Variants in LEPROTL1 observed in about 807,000 individuals in gnomAD.
The protein encoded by LEPROTL1 is leptin receptor overlapping transcript-like 1.
Under a neutral mutation model 15.4 loss-of-function variants are expected in LEPROTL1, and 6 were observed. The ratio of observed to expected loss-of-function variants is 0.39; its 90% CI spans 0.21 to 0.77. The LOEUF (loss-of-function observed/expected upper bound fraction) is 0.77. LEPROTL1 is among the 30% of genes least tolerant of loss of function. LEPROTL1 has a pLI of 0.41. For synonymous variants in LEPROTL1, 56 were observed against 52.6 expected (o/e 1.06, Z -0.28); for missense variants, 128 against 158.1 (o/e 0.81, Z 1.02).
chr8:30,115,579 G>T (rs1475166224), intron 3 of LEPROTL1, among the ~76,000 whole-genome samples: 2 of 101,840 alleles, frequency 2.0e-5, no homozygotes, highest in African/African-American at 3.9e-5. Flanking sequence ...TAGAGACGGG[G>T]TTTCACCATG....
intron 3 of LEPROTL1, among the ~76,000 whole-genome samples, chr8:30,122,300 T>C (rs1802842287): frequency 6.6e-6 from 1 of 152,164 alleles, no homozygotes; most frequent in Non-Finnish European, 1.5e-5. Flanking sequence ...CTTCACTCTA[T>C]ATTCAAAAAT....
Position 30,107,048 on chromosome 8 carries a change from T to A in LEPROTL1, c.*1186T>A, listed in dbSNP as rs1201236286. 1.0e-6 allele frequency: 1 copy of A among 973,120 alleles called. No homozygotes were observed. The highest frequency in any genetic ancestry group is 1.8e-5 in the African/African-American group (1 of 56,958). The allele number at this position is 973,120 out of a possible 1,614,324, so 60.3% of individuals were successfully genotyped here. A position where few individuals can be genotyped will look rare whatever the true frequency, so the allele number is the denominator to read the frequency against. ...TTTAAGATTTAGACCATGGTAATAGTAGTTCTTATTCTCTAAGGTTATATC... is the reference window on the plus strand; with the variant it reads ...TTTAAGATTTAGACCATGGTAATAGAAGTTCTTATTCTCTAAGGTTATATC... On this transcript the variant is annotated 3_prime_UTR_variant, in exon 4 of 4. Coordinates refer to ENST00000321250, the MANE Select transcript of LEPROTL1 (RefSeq NM_015344.3).
At chr8:30,099,331 C>T (rs1357740787) in intron 1 of LEPROTL1, among the ~76,000 whole-genome samples, 4 of 151,954 alleles carry the variant, frequency 2.6e-5, no homozygotes, top group Non-Finnish European at 5.9e-5. Context: ...CAGTGGCTCA[C>T]GCCTATAATC....
chr8:30,102,897 A>T (rs558992659), intron 2 of LEPROTL1, among the ~76,000 whole-genome samples: 2 of 152,284 alleles, frequency 1.3e-5, no homozygotes, highest in East Asian at 3.9e-4. Flanking sequence ...GGGAGTACAC[A>T]TAGATAGTTT....
chr8:30,112,753 A>C (rs1005968043), downstream of LEPROTL1, among the ~76,000 whole-genome samples: 2 of 151,974 alleles, frequency 1.3e-5, no homozygotes, highest in African/African-American at 2.4e-5. Flanking sequence ...AATAGTATCT[A>C]CCTCATAAAG....
At chr8:30,116,753 G>A (rs1285091300) in intron 3 of LEPROTL1, among the ~76,000 whole-genome samples, 1 of 152,170 alleles carries the variant, frequency 6.6e-6, no homozygotes. Context: ...TGTTCTATAA[G>A]CTACTGTAGC....
At position 30,095,427 on chromosome 8, in the gene LEPROTL1, G is replaced by T; in HGVS notation, c.-86G>T. On this transcript the variant is annotated 5_prime_UTR_variant, in exon 1 of 4. Coordinates refer to ENST00000321250, the MANE Select transcript of LEPROTL1 (RefSeq NM_015344.3). ...CGTCGCGCACTTCCGGGTGTTGTCT[G>T]GCCGCCGTAGCGCGTCTTGGGTCTC... 7.3e-7 allele frequency: 1 copy of T among 1,370,242 alleles called. No homozygotes were observed. Among genetic ancestry groups the T allele is most frequent in the African/African-American group, 1.5e-5 (1 of 65,946 alleles). The allele number at this position is 1,370,242 out of a possible 1,614,324, so 84.9% of individuals were successfully genotyped here. A position where few individuals can be genotyped will look rare whatever the true frequency, so the allele number is the denominator to read the frequency against.
intron 1 of LEPROTL1, among the ~76,000 whole-genome samples, chr8:30,097,115 T>C (rs117704319): frequency 0.016 from 2,440 of 152,352 alleles, 34 homozygotes; most frequent in South Asian, 0.034. Context: ...CCCAGACTTA[T>C]CTAAGCTTTG....
At chr8:30,114,021 A>C (rs911755205) in intron 3 of LEPROTL1, among the ~76,000 whole-genome samples, 1 of 152,120 alleles carries the variant, frequency 6.6e-6, no homozygotes, top group African/African-American at 2.4e-5. Flanking sequence ...TTTGCACCCA[A>C]ATCCAATTAG....
At chr8:30,114,738 T>G (rs1802710143) in intron 3 of LEPROTL1, among the ~76,000 whole-genome samples, 1 of 152,130 alleles carries the variant, frequency 6.6e-6, no homozygotes, top group Admixed American at 6.5e-5. Context: ...ACAACAAAGG[T>G]TTATTTCTCA....
intron 3 of LEPROTL1, among the ~76,000 whole-genome samples, chr8:30,123,089 T>C (rs1374246882): frequency 6.6e-6 from 1 of 152,166 alleles, no homozygotes; most frequent in Non-Finnish European, 1.5e-5. Context: ...GGAGCTCAGC[T>C]AGTATGAAGG....
At chr8:30,135,176 G>T (rs1209936776) in intron 4 of LEPROTL1, among the ~76,000 whole-genome samples, 1 of 151,988 alleles carries the variant, frequency 6.6e-6, no homozygotes, top group Non-Finnish European at 1.5e-5. Context: ...ATAGGCGTGA[G>T]CCACTGTGCC....
intron 1 of LEPROTL1, 65 bp from the exon 2 acceptor site, chr8:30,101,833 C>A: frequency 1.0e-6 from 1 of 966,642 alleles, no homozygotes; most frequent in Non-Finnish European, 1.6e-6. Context: ...AATGTTCAGA[C>A]TGCTGATATT....
chr8:30,102,236 C>T (rs111737865), intron 2 of LEPROTL1, among the ~76,000 whole-genome samples: 8 of 152,080 alleles, frequency 5.3e-5, no homozygotes, highest in African/African-American at 1.9e-4. Flanking sequence ...TACCTCAGCC[C>T]TCCTGCTCAG....
At chr8:30,137,316 TG>T (rs1355940460) in exon 5 of LEPROTL1, 1 of 1,551,598 alleles carries the variant, frequency 6.4e-7, no homozygotes, top group African/African-American at 1.4e-5. Context: ...CAGCTGAGTC[TG>T]AAGGAAGAGA....
chr8:30,110,802 T>C (rs935168982), downstream of LEPROTL1, among the ~76,000 whole-genome samples: 1 of 152,130 alleles, frequency 6.6e-6, no homozygotes, highest in Non-Finnish European at 1.5e-5. Flanking sequence ...TTTACAACCA[T>C]AGAAACCAGC....
At chr8:30,104,718 T>TC in intron 3 of LEPROTL1, 1 of 315,950 alleles carries the variant, frequency 3.2e-6, no homozygotes, top group African/African-American at 2.2e-5. Flanking sequence ...TTTTTTCTTT[T>TC]TTTTTTTTTT....
chr8:30,097,355 CTG>C (rs1802382804), intron 1 of LEPROTL1, among the ~76,000 whole-genome samples: 2 of 152,048 alleles, frequency 1.3e-5, no homozygotes, highest in African/African-American at 4.8e-5. Flanking sequence ...TCACATCAAA[CTG>C]TGTTATGAAT....
At chr8:30,118,019 GTTTTTTTTTTTTT>G (rs34271690) in intron 3 of LEPROTL1, among the ~76,000 whole-genome samples, 6 of 26,786 alleles carry the variant, frequency 2.2e-4, no homozygotes, top group Non-Finnish European at 4.2e-4. Flanking sequence ...TTTTTGATTT[GTTTTTTTTTTTTT>G]TTTTTTTTTT....
Sources: allele counts gnomAD v4.1 joint callset (sites outside exome capture counted in the v4.1 genomes callset), GRCh38; gene constraint gnomAD v4.1.1; transcripts MANE v1.5; gene names NCBI Gene and HGNC (gene_info 2026-07-23, HGNC 2026-07-21).